MAF: variants seen among roughly 807,000 people sequenced by gnomAD.
MAF encodes the protein MAF bZIP transcription factor.
Under a neutral mutation model 22.0 loss-of-function variants are expected in MAF, and 10 were observed. The observed-to-expected ratio is 0.45, with a 90% CI of 0.28 to 0.77. The LOEUF (loss-of-function observed/expected upper bound fraction) is 0.77. Among genes scored for constraint, MAF ranks in the 30% least tolerant of loss-of-function variants. MAF has a pLI of 0.12. For synonymous variants in MAF, 337 were observed against 255.8 expected (o/e 1.32, Z -3.03); for missense variants, 544 against 548.4 (o/e 0.99, Z 0.08).
chr16:79,568,954 A>T, the MAF span, among the ~76,000 whole-genome samples: 10 of 152,366 alleles, frequency 6.6e-5, no homozygotes, highest in Admixed American at 4.6e-4. Flanking sequence ...GAACAGATCC[A>T]AAGAGGTTAA....
the MAF span, among the ~76,000 whole-genome samples, chr16:79,441,900 C>T: frequency 5.5e-3 from 844 of 152,122 alleles, 10 homozygotes; most frequent in Non-Finnish European, 8.4e-3. Flanking sequence ...AATCCGATGA[C>T]GAGGATCTTT....
At chr16:79,384,009 C>G in the MAF span, among the ~76,000 whole-genome samples, 1 of 152,134 alleles carries the variant, frequency 6.6e-6, no homozygotes, top group Non-Finnish European at 1.5e-5. Context: ...AAGACAGCAA[C>G]CAGGTGTGAC....
At chr16:79,585,729 T>C (rs919255582), downstream of MAF, 5 of 564,276 alleles carry the variant, frequency 8.9e-6, no homozygotes, top group African/African-American at 5.7e-5. Context: ...GAAACCCAAA[T>C]ACTAAAACTA....
chr16:79,223,557 A>T, the MAF span, among the ~76,000 whole-genome samples: 101 of 152,336 alleles, frequency 6.6e-4, no homozygotes, highest in Non-Finnish European at 6.8e-4. Context: ...CCCTTCAAAA[A>T]ATCAATGAAT....
chr16:79,589,400 T>C (rs910279406), downstream of MAF, among the ~76,000 whole-genome samples: 2 of 152,182 alleles, frequency 1.3e-5, no homozygotes, highest in African/African-American at 4.8e-5. Context: ...GTATCGAGAT[T>C]TCCATAAAGA....
intron 1 of MAF, chr16:79,598,428 C>A: frequency 2.7e-6 from 3 of 1,108,678 alleles, no homozygotes; most frequent in African/African-American, 2.1e-5. Context: ...GAACATTGTG[C>A]AAGTCCGGGG....
At chr16:79,417,645 C>T in the MAF span, among the ~76,000 whole-genome samples, 1 of 152,178 alleles carries the variant, frequency 6.6e-6, no homozygotes, top group African/African-American at 2.4e-5. Flanking sequence ...GCCTGCCTAG[C>T]CTGCTTCCCC....
chr16:79,460,307 T>C, the MAF span, among the ~76,000 whole-genome samples: 4 of 152,238 alleles, frequency 2.6e-5, no homozygotes, highest in Non-Finnish European at 5.9e-5. Flanking sequence ...AGATCTCATG[T>C]ACGTTTGTCT....
the MAF span, among the ~76,000 whole-genome samples, chr16:79,309,503 C>T: frequency 1.5e-4 from 23 of 152,238 alleles, no homozygotes; most frequent in Admixed American, 9.2e-4. Context: ...AACGGTTTTG[C>T]CCTAGATTTT....
At chr16:79,534,975 T>A in the MAF span, among the ~76,000 whole-genome samples, 1 of 152,198 alleles carries the variant, frequency 6.6e-6, no homozygotes, top group African/African-American at 2.4e-5. Context: ...TATCCCCTCC[T>A]TTGTAAGCTT....
the MAF span, among the ~76,000 whole-genome samples, chr16:79,382,011 C>T: frequency 6.6e-6 from 1 of 152,180 alleles, no homozygotes; most frequent in Admixed American, 6.5e-5. Flanking sequence ...TAGACATCCT[C>T]CGCTGCTTCT....
At chr16:79,565,533 C>T in the MAF span, among the ~76,000 whole-genome samples, 2 of 151,856 alleles carry the variant, frequency 1.3e-5, no homozygotes, top group Admixed American at 1.3e-4. Context: ...TGGGAGGTGA[C>T]TGAATCATGG....
the MAF span, among the ~76,000 whole-genome samples, chr16:79,341,475 A>C: frequency 6.6e-6 from 1 of 152,102 alleles, no homozygotes; most frequent in Admixed American, 6.5e-5. Context: ...TTCTCAACTC[A>C]CACCTCTTTG....
At chr16:79,295,224 T>C in the MAF span, among the ~76,000 whole-genome samples, 1 of 152,218 alleles carries the variant, frequency 6.6e-6, no homozygotes, top group Non-Finnish European at 1.5e-5. Flanking sequence ...TTGGAGCTGT[T>C]TACACACCAG....
At chr16:79,569,274 GC>G in the MAF span, among the ~76,000 whole-genome samples, 54 of 152,238 alleles carry the variant, frequency 3.5e-4, no homozygotes, top group Admixed American at 9.2e-4. Context: ...GAGGCCAGTG[GC>G]CCCCCTGCCT....
the MAF span, among the ~76,000 whole-genome samples, chr16:79,316,695 A>T: frequency 6.6e-6 from 1 of 152,130 alleles, no homozygotes; most frequent in Admixed American, 6.5e-5. Context: ...AGGATGAAAC[A>T]TGAGGGGTCA....
chr16:79,563,079 A>G, the MAF span, among the ~76,000 whole-genome samples: 1 of 151,812 alleles, frequency 6.6e-6, no homozygotes, highest in Admixed American at 6.6e-5. Context: ...TGGTTATACT[A>G]TGGAAACAGA....
At chr16:79,347,418 G>A in the MAF span, among the ~76,000 whole-genome samples, 1 of 152,240 alleles carries the variant, frequency 6.6e-6, no homozygotes, top group Non-Finnish European at 1.5e-5. Flanking sequence ...GCACGTTAGA[G>A]TTGACAAGGA....
At chr16:79,204,100 T>G in the MAF span, 1 of 152,060 alleles carries the variant, frequency 6.6e-6, no homozygotes, top group African/African-American at 2.4e-5. Flanking sequence ...TCTATGGCAC[T>G]TCTGCTTGGC....
Sources: allele counts gnomAD v4.1 joint callset (sites outside exome capture counted in the v4.1 genomes callset), GRCh38; gene constraint gnomAD v4.1.1; transcripts MANE v1.5; gene names NCBI Gene and HGNC (gene_info 2026-07-23, HGNC 2026-07-21).